SCARA5: variants seen among roughly 807,000 people sequenced by gnomAD.
The protein encoded by SCARA5 is scavenger receptor class A member 5, also known as scavenger receptor class A, member 5 (putative).
In SCARA5, 45 loss-of-function variants were observed where a neutral mutation model predicts 46.3. The ratio of observed to expected loss-of-function variants is 0.97; its 90% CI spans 0.76 to 1.24. The LOEUF (loss-of-function observed/expected upper bound fraction) is 1.24. Among genes scored for constraint, SCARA5 ranks in the 50% most tolerant of loss-of-function variants. SCARA5 has a pLI of 0.00. For synonymous variants in SCARA5, 333 were observed against 306.5 expected (o/e 1.09, Z -0.90); for missense variants, 680 against 689.0 (o/e 0.99, Z 0.15).
intron 8 of SCARA5, among the ~76,000 whole-genome samples, chr8:27,876,421 A>T (rs1806724762): frequency 6.6e-6 from 1 of 152,162 alleles, no homozygotes; most frequent in South Asian, 2.1e-4. Flanking sequence ...AGGAGTGAAC[A>T]CTGGTGGGAT....
chr8:27,943,602 A>G (rs995455078), intron 3 of SCARA5, among the ~76,000 whole-genome samples: 4 of 152,208 alleles, frequency 2.6e-5, no homozygotes, highest in Non-Finnish European at 5.9e-5. Flanking sequence ...ATATCCCACT[A>G]TGACCGACTT....
At chr8:27,896,644 G>A (rs1036653385) in intron 7 of SCARA5, among the ~76,000 whole-genome samples, 2 of 152,078 alleles carry the variant, frequency 1.3e-5, no homozygotes, top group Non-Finnish European at 2.9e-5. Context: ...GGGGACCCAG[G>A]CACCATGACA....
chr8:27,974,161 G>A (rs1808487579), intron 2 of SCARA5, among the ~76,000 whole-genome samples: 2 of 152,160 alleles, frequency 1.3e-5, no homozygotes, highest in Admixed American at 1.3e-4. Flanking sequence ...TAAGCAGGCA[G>A]CATCTCTCAC....
chr8:27,988,353 G>C (rs1377016495), intron 1 of SCARA5, among the ~76,000 whole-genome samples: 1 of 152,240 alleles, frequency 6.6e-6, no homozygotes, highest in Non-Finnish European at 1.5e-5. Flanking sequence ...TTGGGTCTCT[G>C]GGTCTACGCC....
At chr8:27,890,727 C>T (rs1056195664) in intron 7 of SCARA5, among the ~76,000 whole-genome samples, 8 of 152,242 alleles carry the variant, frequency 5.3e-5, no homozygotes, top group African/African-American at 7.2e-5. Flanking sequence ...GGCCACAGCT[C>T]GCTGTGCACA....
intron 2 of SCARA5, among the ~76,000 whole-genome samples, chr8:27,981,294 C>G (rs1489789046): frequency 6.6e-6 from 1 of 152,152 alleles, no homozygotes; most frequent in Non-Finnish European, 1.5e-5. Context: ...GGGTGTGACA[C>G]CCAGAAGGAC....
chr8:27,945,297 G>A (rs1808019069), intron 3 of SCARA5, among the ~76,000 whole-genome samples: 1 of 151,958 alleles, frequency 6.6e-6, no homozygotes, highest in Admixed American at 6.6e-5. Flanking sequence ...TTGGTGGCAG[G>A]CATGTCACAC....
intron 7 of SCARA5, among the ~76,000 whole-genome samples, chr8:27,881,370 A>G (rs1324257987): frequency 1.3e-5 from 2 of 152,354 alleles, no homozygotes; most frequent in East Asian, 1.9e-4. Context: ...CTATGCAGCC[A>G]TAAAAAAGAA....
intron 3 of SCARA5, among the ~76,000 whole-genome samples, chr8:27,934,748 G>A (rs1807828366): frequency 6.6e-6 from 1 of 152,198 alleles, no homozygotes; most frequent in Non-Finnish European, 1.5e-5. Context: ...GGAGCAGGGG[G>A]CAGGAGGCAT....
chr8:27,984,583 T>G (rs1808673674), intron 2 of SCARA5, among the ~76,000 whole-genome samples: 1 of 152,056 alleles, frequency 6.6e-6, no homozygotes, highest in Non-Finnish European at 1.5e-5. Context: ...CATTCACCCA[T>G]CCATTCATTC....
intron 2 of SCARA5, among the ~76,000 whole-genome samples, chr8:27,980,865 G>A (rs896796844): frequency 6.6e-6 from 1 of 152,144 alleles, no homozygotes; most frequent in Non-Finnish European, 1.5e-5. Context: ...AATCCCACTA[G>A]TAACCAGAAT....
chr8:27,939,719 A>T (rs1021776861), intron 3 of SCARA5, among the ~76,000 whole-genome samples: 6 of 152,200 alleles, frequency 3.9e-5, no homozygotes, highest in Admixed American at 3.9e-4. Flanking sequence ...GAGTCTACTC[A>T]GTGCCAGGCA....
At chr8:27,905,538 A>AGGGTGGG (rs1563519490) in intron 6 of SCARA5, among the ~76,000 whole-genome samples, 1 of 36,564 alleles carries the variant, frequency 2.7e-5, no homozygotes, top group Non-Finnish European at 9.1e-5. Context: ...GGGGGAAAAA[A>AGGGTGGG]AAAAGGCAGC....
At chr8:27,961,023 A>G (rs1474117587) in intron 3 of SCARA5, among the ~76,000 whole-genome samples, 2 of 152,232 alleles carry the variant, frequency 1.3e-5, no homozygotes, top group African/African-American at 2.4e-5. Flanking sequence ...TCCCAAGGTT[A>G]CAGAGCCTTC....
chr8:27,976,817 A>G (rs1202525634), intron 2 of SCARA5, among the ~76,000 whole-genome samples: 6 of 152,096 alleles, frequency 3.9e-5, no homozygotes, highest in South Asian at 4.2e-4. Flanking sequence ...GGCAAAGAGG[A>G]TGGGGATGAG....
At chr8:27,895,297 G>A (rs1210561060) in intron 7 of SCARA5, among the ~76,000 whole-genome samples, 5 of 152,236 alleles carry the variant, frequency 3.3e-5, no homozygotes, top group Middle Eastern at 3.4e-3. Context: ...GCCCCCAGCC[G>A]GCCTGAGGCA....
intron 4 of SCARA5, 104 bp from the exon 5 acceptor site, chr8:27,909,847 C>A: frequency 3.0e-6 from 2 of 670,906 alleles, no homozygotes; most frequent in East Asian, 3.2e-5. Context: ...GAGGAAGGGG[C>A]AGCATTAGCT....
At chr8:27,888,396 A>G (rs1390282556) in intron 7 of SCARA5, among the ~76,000 whole-genome samples, 1 of 152,174 alleles carries the variant, frequency 6.6e-6, no homozygotes, top group Non-Finnish European at 1.5e-5. Context: ...CCAATTGCAA[A>G]TCAGAAAGTC....
At chr8:27,916,871 C>T (rs568286574) in intron 4 of SCARA5, among the ~76,000 whole-genome samples, 1 of 152,236 alleles carries the variant, frequency 6.6e-6, no homozygotes, top group South Asian at 2.1e-4. Flanking sequence ...ATGTTGCAAC[C>T]TAATCACCAA....
Sources: gnomAD v4.1 joint callset for allele counts (sites outside exome capture counted in the v4.1 genomes callset) on GRCh38, gnomAD v4.1.1 for gene constraint, MANE v1.5 for transcripts, NCBI Gene and HGNC (gene_info 2026-07-23, HGNC 2026-07-21) for gene names.